The following PLGRKT variants were observed in gnomAD, a reference collection of about 807,000 sequenced individuals.
The protein encoded by PLGRKT is plasminogen receptor (KT).
A neutral mutation model predicts 18.5 loss-of-function variants in PLGRKT; 22 were observed. That is an observed-to-expected ratio of 1.19 (90% CI 0.85 to 1.70). The LOEUF (loss-of-function observed/expected upper bound fraction) is 1.70. Ranked by LOEUF, PLGRKT falls within the 40% of genes most tolerant of loss-of-function variation. The pLI, the probability that PLGRKT is intolerant of heterozygous loss-of-function variation, is 0.00. For synonymous variants in PLGRKT, 72 were observed against 52.8 expected, an observed-to-expected ratio of 1.36 and a Z score of -1.58; for missense variants, 235 against 174.4, an observed-to-expected ratio of 1.35 and a Z score of -1.96.
At chr9:5,401,401 A>T (rs1818151487) in intron 3 of PLGRKT, among the ~76,000 whole-genome samples, 1 of 152,008 alleles carries the variant, frequency 6.6e-6, no homozygotes, top group Non-Finnish European at 1.5e-5. Flanking sequence ...ATTTAGAATG[A>T]GGTAAATATA....
chr9:5,402,876 T>C (rs192629878), intron 3 of PLGRKT, among the ~76,000 whole-genome samples: 1 of 151,958 alleles, frequency 6.6e-6, no homozygotes, highest in African/African-American at 2.4e-5. Context: ...GAATTAGTTG[T>C]AAAGTAAATA....
rs187769849 is a variant in PLGRKT, at chr9:5,413,830, G to C, written c.81+18067C>G. Reference sequence around the variant, plus strand: ...CATCATTTGAATAAATTTTGATATAGCTACACAATAAAATTCTATGCAACC... The same window carrying C: ...CATCATTTGAATAAATTTTGATATACCTACACAATAAAATTCTATGCAACC... On this transcript the variant is annotated intron_variant, in intron 3 of 5. Transcript: ENST00000223864. Among the ~76,000 whole-genome samples the C allele has an allele frequency of 3.8e-3, 581 of 152,268 alleles. 2 individuals carry two copies. Among genetic ancestry groups the C allele is most frequent in the African/African-American group, 0.013 (551 of 41,532 alleles).
intron 3 of PLGRKT, among the ~76,000 whole-genome samples, chr9:5,380,683 T>C (rs1817725225): frequency 6.6e-6 from 1 of 152,214 alleles, no homozygotes; most frequent in South Asian, 2.1e-4. Context: ...ACTTCTAAAA[T>C]GTAAGCTCCA....
At chr9:5,435,988 C>G (rs908166941) in intron 2 of PLGRKT, among the ~76,000 whole-genome samples, 5 of 152,202 alleles carry the variant, frequency 3.3e-5, no homozygotes, top group South Asian at 2.1e-4. Flanking sequence ...AGCTTCAAAG[C>G]TGAGCACAGG....
intron 3 of PLGRKT, among the ~76,000 whole-genome samples, chr9:5,384,371 T>C (rs1817803032): frequency 6.6e-6 from 1 of 152,174 alleles, no homozygotes; most frequent in South Asian, 2.1e-4. Context: ...ATAAAGTTGA[T>C]AAAAATAATT....
intron 3 of PLGRKT, among the ~76,000 whole-genome samples, chr9:5,419,405 G>A (rs1352807049): frequency 1.3e-5 from 2 of 152,332 alleles, no homozygotes; most frequent in South Asian, 2.1e-4. Context: ...TTTCTTCAGC[G>A]GACCTTTCTC....
intron 3 of PLGRKT, among the ~76,000 whole-genome samples, chr9:5,377,389 TA>T (rs971933277): frequency 1.3e-5 from 2 of 152,214 alleles, no homozygotes; most frequent in Admixed American, 6.5e-5. Context: ...CTCATTATAC[TA>T]AAAAATACAT....
rs114896158 is a variant in PLGRKT at position 5,436,289 on chromosome 9, G to C, written c.-7+280C>G. On this transcript the variant is annotated intron_variant, in intron 2 of 5. Transcript: ENST00000223864. ...TCCCCTAAATATTTGCACAAAGCAT[G>C]AGAGATACAAGAAAAACTGTGGCTC... Among the ~76,000 whole-genome samples, 946 of 152,346 alleles carry C rather than the reference G, an allele frequency of 6.2e-3. 8 individuals are homozygous for C. The highest frequency in any genetic ancestry group is 0.022 in the African/African-American group (895 of 41,574).
chr9:5,422,647 G>C (rs1455132038), intron 3 of PLGRKT, among the ~76,000 whole-genome samples: 1 of 152,148 alleles, frequency 6.6e-6, no homozygotes, highest in African/African-American at 2.4e-5. Flanking sequence ...CTGAAATTAG[G>C]TTGCATATGA....
At chr9:5,425,102 T>C (rs1158639151) in intron 3 of PLGRKT, among the ~76,000 whole-genome samples, 1 of 152,208 alleles carries the variant, frequency 6.6e-6, no homozygotes, top group Non-Finnish European at 1.5e-5. Flanking sequence ...AATCTTTACA[T>C]TGACCAAAAG....
At chr9:5,411,389 AAAAAAAAAAAG>A (rs1360223791) in intron 3 of PLGRKT, among the ~76,000 whole-genome samples, 2 of 149,652 alleles carry the variant, frequency 1.3e-5, no homozygotes, top group African/African-American at 5.0e-5. Flanking sequence ...TGTTTCAAAA[AAAAAAAAAAAG>A]AAAAGAAAAG....
chr9:5,366,882 T>C (rs985790182), intron 3 of PLGRKT, among the ~76,000 whole-genome samples: 4 of 152,084 alleles, frequency 2.6e-5, no homozygotes, highest in Non-Finnish European at 4.4e-5. Flanking sequence ...CCCTAATAAA[T>C]AGACCTAATA....
At chr9:5,374,588 T>C (rs1396227945) in intron 3 of PLGRKT, among the ~76,000 whole-genome samples, 1 of 152,158 alleles carries the variant, frequency 6.6e-6, no homozygotes, top group Non-Finnish European at 1.5e-5. Context: ...TGAAATTGGG[T>C]TCAAATTCTA....
intron 3 of PLGRKT, among the ~76,000 whole-genome samples, chr9:5,393,682 G>GT (rs1586722390): frequency 1.3e-5 from 2 of 151,794 alleles, no homozygotes; most frequent in East Asian, 3.9e-4. Context: ...TCTCTTACTA[G>GT]TTTGTAGTTT....
chr9:5,401,315 G>C (rs1236158505), intron 3 of PLGRKT, among the ~76,000 whole-genome samples: 1 of 151,884 alleles, frequency 6.6e-6, no homozygotes, highest in Admixed American at 6.6e-5. Flanking sequence ...ATGTAGATTA[G>C]GTTATGCTTT....
At chr9:5,379,500 A>G (rs10815200) in intron 3 of PLGRKT, among the ~76,000 whole-genome samples, 35,742 of 151,136 alleles carry the variant, frequency 0.24, 4,520 homozygotes, top group African/African-American at 0.33. Context: ...GTGAGTGGAT[A>G]TGTGTGTGTG....
intron 3 of PLGRKT, among the ~76,000 whole-genome samples, chr9:5,407,849 T>C (rs1586731715): frequency 6.6e-6 from 1 of 152,324 alleles, no homozygotes; most frequent in Non-Finnish European, 1.5e-5. Flanking sequence ...AGCAAAATGC[T>C]ATTGCCACTC....
intron 3 of PLGRKT, among the ~76,000 whole-genome samples, chr9:5,385,814 A>G (rs1253158241): frequency 6.6e-6 from 1 of 151,932 alleles, no homozygotes; most frequent in African/African-American, 2.4e-5. Context: ...TGTTTCCTCC[A>G]GAATATATTT....
chr9:5,361,924 A>T, intron 3 of PLGRKT, 36 bp from the exon 4 acceptor site: 1 of 1,585,096 alleles, frequency 6.3e-7, no homozygotes, highest in Non-Finnish European at 8.6e-7. Flanking sequence ...AAAGTTACTC[A>T]TCTTTGGAAT....
Sources: allele counts gnomAD v4.1 joint callset (sites outside exome capture counted in the v4.1 genomes callset), GRCh38; gene constraint gnomAD v4.1.1; transcripts MANE v1.5; gene names NCBI Gene and HGNC (gene_info 2026-07-23, HGNC 2026-07-21).